NFIA: variants seen among roughly 807,000 people sequenced by gnomAD.
NFIA encodes the protein nuclear factor I A.
A neutral mutation model predicts 62.8 loss-of-function variants in NFIA; 8 were observed. The ratio of observed to expected loss-of-function variants is 0.13; its 90% CI spans 0.07 to 0.23. The LOEUF (loss-of-function observed/expected upper bound fraction) is 0.23. NFIA is among the 10% of genes least tolerant of loss of function. NFIA has a pLI of 1.00. For synonymous variants in NFIA, 235 were observed against 238.1 expected (o/e 0.99, Z 0.12); for missense variants, 410 against 642.1 (o/e 0.64, Z 3.91).
intron 5 of NFIA, among the ~76,000 whole-genome samples, chr1:61,353,938 G>A (rs1662688742): frequency 6.6e-6 from 1 of 152,200 alleles, no homozygotes; most frequent in South Asian, 2.1e-4. Context: ...TGATGGGAGA[G>A]ACCTTGTGTG....
chr1:61,302,509 T>C (rs1659545047), intron 3 of NFIA, among the ~76,000 whole-genome samples: 1 of 152,178 alleles, frequency 6.6e-6, no homozygotes. Context: ...TTTAGACTAA[T>C]GATACAAGAG....
intron 2 of NFIA, among the ~76,000 whole-genome samples, chr1:61,177,457 T>G (rs1390807787): frequency 6.6e-6 from 1 of 152,190 alleles, no homozygotes; most frequent in East Asian, 1.9e-4. Flanking sequence ...TCTAACACTT[T>G]CCCATTTATC....
intron 6 of NFIA, among the ~76,000 whole-genome samples, chr1:61,377,102 A>G (rs1219377948): frequency 1.3e-5 from 2 of 152,026 alleles, no homozygotes; most frequent in Non-Finnish European, 2.9e-5. Flanking sequence ...ATGTGCCTGT[A>G]GACCCAGCTA....
intron 9 of NFIA, among the ~76,000 whole-genome samples, chr1:61,419,651 C>G (rs1666515741): frequency 6.6e-6 from 1 of 152,122 alleles, no homozygotes; most frequent in Non-Finnish European, 1.5e-5. Flanking sequence ...TCCTACTGCC[C>G]TTAGGATCCT....
intron 2 of NFIA, among the ~76,000 whole-genome samples, chr1:61,141,850 G>A (rs1344706911): frequency 6.6e-6 from 1 of 152,170 alleles, no homozygotes; most frequent in Non-Finnish European, 1.5e-5. Flanking sequence ...TGTCTTTCCT[G>A]GTGGGAAGAT....
chr1:61,349,752 A>G (rs35688418), intron 4 of NFIA, among the ~76,000 whole-genome samples: 4 of 151,652 alleles, frequency 2.6e-5, no homozygotes, highest in African/African-American at 9.7e-5. Context: ...TTTAATTTTT[A>G]AAAAAAATAT....
intron 7 of NFIA, among the ~76,000 whole-genome samples, chr1:61,390,883 A>G (rs1664939340): frequency 6.6e-6 from 1 of 152,230 alleles, no homozygotes; most frequent in Non-Finnish European, 1.5e-5. Flanking sequence ...GAATGAATGA[A>G]TGCATGGATT....
At chr1:61,281,417 A>C (rs1230928745) in intron 3 of NFIA, among the ~76,000 whole-genome samples, 1 of 152,186 alleles carries the variant, frequency 6.6e-6, no homozygotes, top group Non-Finnish European at 1.5e-5. Flanking sequence ...ACGTATATTC[A>C]AGAGGTCCAA....
At chr1:61,432,650 T>C (rs1395422973) in intron 10 of NFIA, among the ~76,000 whole-genome samples, 1 of 151,710 alleles carries the variant, frequency 6.6e-6, no homozygotes, top group Non-Finnish European at 1.5e-5. Context: ...TACACATATA[T>C]ATACATATAT....
chr1:61,429,017 T>C (rs1044952909), intron 10 of NFIA, among the ~76,000 whole-genome samples: 6 of 152,188 alleles, frequency 3.9e-5, no homozygotes, highest in African/African-American at 1.4e-4. Context: ...AAAATGGGCT[T>C]TCTGCTCCCA....
chr1:61,190,417 A>C lies in NFIA; in HGVS notation c.560-87103A>C, dbSNP rs115702142. ...TGGAATCATTCCTGGAAGCCAGGCC[A>C]TGTTCCTGAGTTGTGCTGCTGTAAG... On this transcript the variant is annotated intron_variant, in intron 2 of 10. Coordinates refer to ENST00000403491, the MANE Select transcript of NFIA (RefSeq NM_001134673.4). Among the ~76,000 whole-genome samples the C allele has an allele frequency of 4.2e-3, 645 of 152,342 alleles. 3 individuals carry two copies. The highest frequency in any genetic ancestry group is 7.1e-3 in the Non-Finnish European group (480 of 68,026).
chr1:61,146,127 C>T (rs567494836), intron 2 of NFIA, among the ~76,000 whole-genome samples: 1 of 152,290 alleles, frequency 6.6e-6, no homozygotes, highest in South Asian at 2.1e-4. Context: ...GAGGCTGGCT[C>T]TTCACTGCAT....
chr1:61,146,647 C>A (rs1052909953), intron 2 of NFIA, among the ~76,000 whole-genome samples: 1 of 152,162 alleles, frequency 6.6e-6, no homozygotes, highest in Non-Finnish European at 1.5e-5. Context: ...GTGTCACGCT[C>A]TGTGTAAGTG....
At chr1:61,141,752 T>C (rs1211468453) in intron 2 of NFIA, among the ~76,000 whole-genome samples, 1 of 152,226 alleles carries the variant, frequency 6.6e-6, no homozygotes, top group Non-Finnish European at 1.5e-5. Flanking sequence ...AATAGTTTCA[T>C]TAACACAGCG....
At chr1:61,172,538 T>C (rs948447691) in intron 2 of NFIA, among the ~76,000 whole-genome samples, 1 of 152,214 alleles carries the variant, frequency 6.6e-6, no homozygotes, top group Non-Finnish European at 1.5e-5. Context: ...CTGTTGGAGA[T>C]GAGGCAGTCC....
intron 3 of NFIA, among the ~76,000 whole-genome samples, chr1:61,295,597 C>T (rs1448600283): frequency 6.6e-6 from 1 of 152,174 alleles, no homozygotes; most frequent in Non-Finnish European, 1.5e-5. Flanking sequence ...CTCCACCGCT[C>T]ACCTGGCTGT....
At chr1:61,149,235 T>A (rs1026555360) in intron 2 of NFIA, among the ~76,000 whole-genome samples, 4 of 152,190 alleles carry the variant, frequency 2.6e-5, no homozygotes, top group Non-Finnish European at 4.4e-5. Context: ...GAAAGTTTGC[T>A]GCATAGTAGG....
chr1:61,446,238 C>T (rs915596356), intron 10 of NFIA, among the ~76,000 whole-genome samples: 2 of 152,318 alleles, frequency 1.3e-5, no homozygotes, highest in Admixed American at 6.5e-5. Flanking sequence ...AATCTGAAAA[C>T]GCAGATGCCA....
At position 61,082,724 on chromosome 1, in the gene NFIA, A is replaced by G. The variant is rs1474220364; in HGVS notation, c.-68A>G. ...CCTCTCTCCCTCTTTCTCCTCTCTC[A>G]CCCACACTCACGCACACCTCCAAAC... On this transcript the variant is annotated 5_prime_UTR_variant, in exon 1 of 11. Coordinates refer to ENST00000403491, the MANE Select transcript of NFIA (RefSeq NM_001134673.4). The G allele has an allele frequency of 2.0e-6, 3 of 1,529,164 alleles. No homozygotes were observed. Among genetic ancestry groups the G allele is most frequent in the Non-Finnish European group, 2.6e-6 (3 of 1,138,148 alleles). 94.7% of individuals were successfully genotyped at this position (1,529,164 alleles called of 1,614,324 possible).
Sources: allele counts gnomAD v4.1 joint callset (sites outside exome capture counted in the v4.1 genomes callset), GRCh38; gene constraint gnomAD v4.1.1; transcripts MANE v1.5; gene names NCBI Gene and HGNC (gene_info 2026-07-23, HGNC 2026-07-21).